Variants in NRXN1 observed in about 807,000 individuals in gnomAD.
NRXN1 encodes neurexin 1.
A neutral mutation model predicts 150.9 loss-of-function variants in NRXN1; 39 were observed. That is an observed-to-expected ratio of 0.26 (90% CI 0.20 to 0.34). The LOEUF (loss-of-function observed/expected upper bound fraction) is 0.34, where lower values mean the gene tolerates loss of function less well. Ranked by LOEUF, NRXN1 falls within the 10% of genes least tolerant of loss-of-function variation. The pLI is 1.00. For missense variants in NRXN1, 1,815 were observed against 1,949.9 expected, an observed-to-expected ratio of 0.93 and a Z score of 1.30; for synonymous variants, 924 against 757.0, an observed-to-expected ratio of 1.22 and a Z score of -3.62.
intron 18 of NRXN1, among the ~76,000 whole-genome samples, chr2:50,093,014 C>T (rs1699786116): frequency 6.6e-6 from 1 of 151,990 alleles, no homozygotes; most frequent in Non-Finnish European, 1.5e-5. Flanking sequence ...AGTTATATCA[C>T]ATGTGTTAAA....
chr2:50,481,757 T>C (rs2090472585), intron 15 of NRXN1, among the ~76,000 whole-genome samples: 1 of 93,082 alleles, frequency 1.1e-5, no homozygotes. Flanking sequence ...TGAACTTTTG[T>C]TTCTTTTTTT....
intron 5 of NRXN1, among the ~76,000 whole-genome samples, chr2:50,683,315 C>G (rs1690686068): frequency 1.3e-5 from 2 of 151,722 alleles, no homozygotes; most frequent in Admixed American, 6.6e-5. Context: ...CAATTGCTCT[C>G]TTAATAAGGG....
chr2:49,944,724 G>A (rs931689729), intron 21 of NRXN1, among the ~76,000 whole-genome samples: 1 of 151,758 alleles, frequency 6.6e-6, no homozygotes, highest in East Asian at 2.0e-4. Flanking sequence ...AGGTAAAACA[G>A]AGAATCCAAT....
intron 5 of NRXN1, among the ~76,000 whole-genome samples, chr2:50,787,264 A>G (rs1426536580): frequency 2.0e-5 from 3 of 152,090 alleles, no homozygotes; most frequent in Non-Finnish European, 2.9e-5. Context: ...AAAACAAAAC[A>G]AAACAAGAAA....
At position 50,296,773 on chromosome 2, in the gene NRXN1, C is replaced by T. The variant is rs142516854; in HGVS notation, c.3365-59803G>A. Among the ~76,000 whole-genome samples, 10 of 151,968 alleles carry T rather than the reference C, an allele frequency of 6.6e-5. 1 individual carries two copies. In the East Asian group the frequency reaches 1.9e-3, roughly 29 times the overall value. ...ATTAGCCACGCTGCTCAGCCAGCTG[C>T]CACTTATAAGTGAGAACATGCAGTA... On this transcript the variant is annotated intron_variant, in intron 17 of 22. Coordinates refer to ENST00000401669, the MANE Select transcript of NRXN1 (RefSeq NM_001330078.2).
chr2:50,237,414 C>G (rs925941845), intron 17 of NRXN1, among the ~76,000 whole-genome samples: 1 of 151,920 alleles, frequency 6.6e-6, no homozygotes, highest in African/African-American at 2.4e-5. Context: ...TGGAGAAAGT[C>G]GCAACAAATG....
chr2:50,340,439 G>A (rs1279077992), intron 17 of NRXN1, among the ~76,000 whole-genome samples: 1 of 152,138 alleles, frequency 6.6e-6, no homozygotes, highest in African/African-American at 2.4e-5. Context: ...GACCTCAGTT[G>A]CGAGACAAGT....
intron 5 of NRXN1, among the ~76,000 whole-genome samples, chr2:50,892,021 C>G (rs1386292222): frequency 6.6e-6 from 1 of 152,010 alleles, no homozygotes; most frequent in East Asian, 1.9e-4. Flanking sequence ...AAACTTACAG[C>G]TGTATAATAT....
intron 12 of NRXN1, among the ~76,000 whole-genome samples, chr2:50,517,757 A>C (rs947909461): frequency 5.3e-5 from 8 of 152,134 alleles, no homozygotes; most frequent in Admixed American, 2.6e-4. Context: ...AATTGGGGGA[A>C]CTCAAAACTT....
intron 18 of NRXN1, among the ~76,000 whole-genome samples, chr2:50,133,431 C>A (rs971636772): frequency 6.6e-6 from 1 of 152,148 alleles, no homozygotes; most frequent in Non-Finnish European, 1.5e-5. Flanking sequence ...AATAATTGTG[C>A]TTATAACATA....
intron 21 of NRXN1, among the ~76,000 whole-genome samples, chr2:49,963,212 T>C (rs1676310509): frequency 6.6e-6 from 1 of 152,150 alleles, no homozygotes; most frequent in African/African-American, 2.4e-5. Flanking sequence ...CGTCACAGAA[T>C]TCGGTGAATT....
chr2:50,027,600 T>C (rs942375578), intron 21 of NRXN1, among the ~76,000 whole-genome samples: 1 of 151,964 alleles, frequency 6.6e-6, no homozygotes, highest in East Asian at 1.9e-4. Context: ...TGCCACCATG[T>C]CCTCCTAATT....
intron 17 of NRXN1, among the ~76,000 whole-genome samples, chr2:50,251,266 C>G (rs1299646874): frequency 1.3e-5 from 2 of 151,986 alleles, no homozygotes; most frequent in Admixed American, 1.3e-4. Flanking sequence ...CCACTTATAA[C>G]TGAGAACGTG....
intron 21 of NRXN1, among the ~76,000 whole-genome samples, chr2:50,045,536 C>T (rs1302353814): frequency 6.6e-6 from 1 of 152,008 alleles, no homozygotes; most frequent in Non-Finnish European, 1.5e-5. Context: ...CTTCCTCCTT[C>T]CCCTCACAGA....
chr2:50,937,791 G>C (rs1428899010), intron 2 of NRXN1, among the ~76,000 whole-genome samples: 1 of 152,040 alleles, frequency 6.6e-6, no homozygotes, highest in East Asian at 1.9e-4. Context: ...AACTATTAAA[G>C]ATCCAATTGG....
intron 17 of NRXN1, among the ~76,000 whole-genome samples, chr2:50,240,025 T>C (rs1300717718): frequency 6.6e-6 from 1 of 151,462 alleles, no homozygotes; most frequent in Non-Finnish European, 1.5e-5. Flanking sequence ...GGGTAATAAT[T>C]TGAAGTTTTA....
chr2:49,925,616 G>A (rs1668980562), intron 22 of NRXN1, among the ~76,000 whole-genome samples: 1 of 151,978 alleles, frequency 6.6e-6, no homozygotes, highest in Non-Finnish European at 1.5e-5. Flanking sequence ...TATATTTCAT[G>A]GATTTAAGAA....
At chr2:49,949,079 AACTT>A (rs1302893920) in intron 21 of NRXN1, among the ~76,000 whole-genome samples, 1 of 152,024 alleles carries the variant, frequency 6.6e-6, no homozygotes, top group Non-Finnish European at 1.5e-5. Context: ...AAGGCTGTAA[AACTT>A]AATCCATCCT....
intron 5 of NRXN1, among the ~76,000 whole-genome samples, chr2:50,683,630 T>A: frequency 8.3e-5 from 1 of 12,042 alleles, no homozygotes; most frequent in Non-Finnish European, 1.3e-4. Context: ...AGACTCCGTC[T>A]CAAAAAAAAA....
Sources: gnomAD v4.1 joint callset for allele counts (sites outside exome capture counted in the v4.1 genomes callset) on GRCh38, gnomAD v4.1.1 for gene constraint, MANE v1.5 for transcripts, NCBI Gene and HGNC (gene_info 2026-07-23, HGNC 2026-07-21) for gene names.